The following LDLRAD4 variants were observed in gnomAD, a reference collection of about 807,000 sequenced individuals.
LDLRAD4 encodes the protein low-density lipoprotein receptor class A domain-containing protein 4.
A neutral mutation model predicts 17.0 loss-of-function variants in LDLRAD4; 5 were observed. The observed-to-expected ratio is 0.29, with a 90% CI of 0.15 to 0.62. The LOEUF (loss-of-function observed/expected upper bound fraction) is 0.62. Among genes scored for constraint, LDLRAD4 ranks in the 20% least tolerant of loss-of-function variants. LDLRAD4 has a pLI of 0.84. For missense variants in LDLRAD4, 340 were observed against 424.7 expected, an observed-to-expected ratio of 0.80 and a Z score of 1.75; for synonymous variants, 168 against 171.8, an observed-to-expected ratio of 0.98 and a Z score of 0.17.
At chr18:13,477,943 T>A (rs1477969024) in intron 3 of LDLRAD4, among the ~76,000 whole-genome samples, 1 of 152,194 alleles carries the variant, frequency 6.6e-6, no homozygotes, top group Non-Finnish European at 1.5e-5. Context: ...ATAATGCATC[T>A]CAGATCAACG....
chr18:13,433,621 A>G (rs1434216920), intron 2 of LDLRAD4, among the ~76,000 whole-genome samples: 1 of 152,190 alleles, frequency 6.6e-6, no homozygotes, highest in Non-Finnish European at 1.5e-5. Context: ...TTGAGCATTT[A>G]TCATTGCATC....
chr18:13,371,161 C>G (rs1307170950), intron 1 of LDLRAD4, among the ~76,000 whole-genome samples: 1 of 152,134 alleles, frequency 6.6e-6, no homozygotes, highest in Non-Finnish European at 1.5e-5. Context: ...AGGGAAGACT[C>G]TCCTTTCTGG....
At chr18:13,637,179 A>G (rs971203577) in intron 4 of LDLRAD4, among the ~76,000 whole-genome samples, 1 of 151,888 alleles carries the variant, frequency 6.6e-6, no homozygotes, top group African/African-American at 2.4e-5. Flanking sequence ...TCATGACATC[A>G]AGAAAACAGT....
chr18:13,471,935 A>G (rs999627983), intron 3 of LDLRAD4: 3 of 152,216 alleles, frequency 2.0e-5, no homozygotes, highest in African/African-American at 4.8e-5. Flanking sequence ...AGAAGACACA[A>G]TCTTATAAGG....
At chr18:13,636,073 A>G (rs1208621024) in intron 4 of LDLRAD4, among the ~76,000 whole-genome samples, 4 of 152,032 alleles carry the variant, frequency 2.6e-5, no homozygotes, top group African/African-American at 7.2e-5. Flanking sequence ...ATAGACCCCA[A>G]AGAAAAATGT....
chr18:13,520,099 C>T (rs1039450885), intron 3 of LDLRAD4: 1 of 152,060 alleles, frequency 6.6e-6, no homozygotes, highest in African/African-American at 2.4e-5. Context: ...CTCTATAGAC[C>T]CTATAATTTG....
intron 3 of LDLRAD4, among the ~76,000 whole-genome samples, chr18:13,600,498 C>A (rs8095769): frequency 0.026 from 3,972 of 152,298 alleles, 100 homozygotes; most frequent in African/African-American, 0.068. Flanking sequence ...GTCACTAAAG[C>A]CAAAATGTTC....
intron 1 of LDLRAD4, among the ~76,000 whole-genome samples, chr18:13,284,228 C>T (rs1023029189): frequency 1.3e-5 from 2 of 152,134 alleles, no homozygotes; most frequent in Admixed American, 6.5e-5. Context: ...AAGAAAGTCC[C>T]GTGGTGGGAA....
chr18:13,643,256 C>G, intron 4 of LDLRAD4, 103 bp from the exon 6 acceptor site: 2 of 727,068 alleles, frequency 2.8e-6, no homozygotes, highest in East Asian at 3.3e-5. Context: ...TTATGCAGAT[C>G]CCCGTTTCCA....
chr18:13,507,283 C>A (rs1261962499), intron 3 of LDLRAD4, among the ~76,000 whole-genome samples: 1 of 152,142 alleles, frequency 6.6e-6, no homozygotes. Context: ...GCAGTGTATG[C>A]TGTACCCGAT....
chr18:13,243,833 CATCT>C (rs1353378500), intron 1 of LDLRAD4, among the ~76,000 whole-genome samples: 1 of 151,142 alleles, frequency 6.6e-6, no homozygotes, highest in Non-Finnish European at 1.5e-5. Flanking sequence ...TCCACCCATC[CATCT>C]ATCCACCATG....
chr18:13,327,574 C>G (rs181337531), intron 1 of LDLRAD4, among the ~76,000 whole-genome samples: 3 of 151,188 alleles, frequency 2.0e-5, no homozygotes, highest in African/African-American at 7.3e-5. Context: ...CCATATGGTG[C>G]GTGTATTTTT....
At chr18:13,627,645 G>A (rs1472442380) in intron 4 of LDLRAD4, among the ~76,000 whole-genome samples, 3 of 152,226 alleles carry the variant, frequency 2.0e-5, no homozygotes, top group Non-Finnish European at 4.4e-5. Context: ...ACGTGTCTGG[G>A]TCAACAGTGC....
chr18:13,505,186 G>A (rs140251171), intron 3 of LDLRAD4, among the ~76,000 whole-genome samples: 2 of 152,334 alleles, frequency 1.3e-5, no homozygotes, highest in East Asian at 3.9e-4. Flanking sequence ...CGAAGCCTCA[G>A]TTAGATTCTC....
At chr18:13,349,499 A>G (rs182251255) in intron 1 of LDLRAD4, among the ~76,000 whole-genome samples, 7 of 152,288 alleles carry the variant, frequency 4.6e-5, no homozygotes, top group African/African-American at 1.4e-4. Flanking sequence ...ACGAGGCTCC[A>G]AGTTACTGTC....
At chr18:13,400,661 A>G (rs1046796649) in intron 2 of LDLRAD4, among the ~76,000 whole-genome samples, 2 of 152,220 alleles carry the variant, frequency 1.3e-5, no homozygotes, top group East Asian at 1.9e-4. Flanking sequence ...CGTATCTGTC[A>G]TATCACAAGT....
Position 13,371,426 on chromosome 18 carries a change from C to A in LDLRAD4, c.-382-15915C>A, listed in dbSNP as rs113249904. ...GAACCGTTGTACTCCCTAGCATAAACCCTGTGAGTGCACTGGTGCACTGTC... is the reference window on the plus strand; with the variant it reads ...GAACCGTTGTACTCCCTAGCATAAAACCTGTGAGTGCACTGGTGCACTGTC... On this transcript the variant is annotated intron_variant, in intron 1 of 5. Transcript: ENST00000359446. Among the ~76,000 whole-genome samples, 1,512 of 152,300 alleles carry A rather than the reference C, an allele frequency of 9.9e-3. 28 individuals are homozygous for A. The highest frequency in any genetic ancestry group is 0.035 in the African/African-American group (1,472 of 41,564).
At chr18:13,452,596 A>G (rs113795037) in intron 3 of LDLRAD4, among the ~76,000 whole-genome samples, 6 of 152,256 alleles carry the variant, frequency 3.9e-5, no homozygotes, top group South Asian at 2.1e-4. Context: ...AGCTGCTGCT[A>G]TGAGTCAGCC....
At chr18:13,274,151 C>T (rs1453135774), upstream of LDLRAD4, among the ~76,000 whole-genome samples, 2 of 152,152 alleles carry the variant, frequency 1.3e-5, no homozygotes, top group Non-Finnish European at 2.9e-5. Context: ...GATTTCCTTC[C>T]GGGAGGCTTA....
Sources: allele counts gnomAD v4.1 joint callset (sites outside exome capture counted in the v4.1 genomes callset), GRCh38; gene constraint gnomAD v4.1.1; transcripts MANE v1.5; gene names NCBI Gene and HGNC (gene_info 2026-07-23, HGNC 2026-07-21).